NAALADL2: variants seen among roughly 807,000 people sequenced by gnomAD.
NAALADL2 encodes the protein inactive N-acetylated-alpha-linked acidic dipeptidase-like protein 2.
Under a neutral mutation model 87.2 loss-of-function variants are expected in NAALADL2, and 76 were observed. That is an observed-to-expected ratio of 0.87 (90% CI 0.72 to 1.05). The LOEUF is 1.05. Among genes scored for constraint, NAALADL2 ranks in the 50% least tolerant of loss-of-function variants. The pLI is 0.00. For missense variants in NAALADL2, 1,089 were observed against 945.8 expected, an observed-to-expected ratio of 1.15 and a Z score of -1.99; for synonymous variants, 354 against 331.0, an observed-to-expected ratio of 1.07 and a Z score of -0.75.
chr3:174,804,232 T>C (rs1426375009), intron 3 of NAALADL2, among the ~76,000 whole-genome samples: 1 of 152,202 alleles, frequency 6.6e-6, no homozygotes, highest in Non-Finnish European at 1.5e-5. Context: ...TTTGTAGTAA[T>C]TGTGAATGGG....
At chr3:175,173,999 G>A (rs62283046) in intron 2 of NAALADL2, among the ~76,000 whole-genome samples, 57,010 of 151,948 alleles carry the variant, frequency 0.38, 11,499 homozygotes, top group East Asian at 0.55. Context: ...CCAGTTGTAT[G>A]TAATTGTAAT....
At chr3:174,695,414 G>A (rs537932) in intron 2 of NAALADL2, among the ~76,000 whole-genome samples, 51,413 of 151,720 alleles carry the variant, frequency 0.34, 10,042 homozygotes, top group Non-Finnish European at 0.43. Flanking sequence ...ATAGACATAA[G>A]ATCATTTTTG....
intron 13 of NAALADL2, among the ~76,000 whole-genome samples, chr3:175,795,146 C>G (rs996185794): frequency 6.6e-6 from 1 of 152,188 alleles, no homozygotes; most frequent in Admixed American, 6.5e-5. Flanking sequence ...CCTAAGGCTT[C>G]AGTGTGTGCA....
intron 1 of NAALADL2, among the ~76,000 whole-genome samples, chr3:174,465,029 CT>C (rs1415945026): frequency 3.3e-5 from 5 of 151,932 alleles, no homozygotes; most frequent in Non-Finnish European, 5.9e-5. Flanking sequence ...AGGAACAATG[CT>C]TTAATGACTA....
At position 175,062,014 on chromosome 3, in the gene NAALADL2, A is replaced by C. The variant is rs73038482; in HGVS notation, c.44-34776A>C. Reference sequence around the variant, plus strand: ...AGCCCAGAAGTTTCTTGGTAAGTTTAAGAAAGAAAAGGGGGAAAGGAGTCT... The same window carrying C: ...AGCCCAGAAGTTTCTTGGTAAGTTTCAGAAAGAAAAGGGGGAAAGGAGTCT... On this transcript the variant is annotated intron_variant, in intron 1 of 13. Coordinates refer to ENST00000454872, the MANE Select transcript of NAALADL2 (RefSeq NM_207015.3). 6.1e-3 allele frequency among the ~76,000 whole-genome samples: 933 copies of C among 152,256 alleles called. 7 individuals carry two copies. The highest frequency in any genetic ancestry group is 0.021 in the African/African-American group (870 of 41,556).
At chr3:174,522,535 C>T (rs1443622229) in intron 1 of NAALADL2, among the ~76,000 whole-genome samples, 1 of 152,024 alleles carries the variant, frequency 6.6e-6, no homozygotes, top group Non-Finnish European at 1.5e-5. Flanking sequence ...TGGTGTGCAC[C>T]TGTAGTCCCA....
At chr3:175,133,674 A>G (rs1020773203) in intron 2 of NAALADL2, among the ~76,000 whole-genome samples, 21 of 152,190 alleles carry the variant, frequency 1.4e-4, no homozygotes, top group Non-Finnish European at 2.9e-4. Context: ...TGGCAGCAGT[A>G]CAGTCCAGCT....
intron 1 of NAALADL2, among the ~76,000 whole-genome samples, chr3:174,997,833 AAACAACAAC>A (rs60367540): frequency 2.9e-4 from 41 of 142,046 alleles, no homozygotes; most frequent in African/African-American, 5.2e-4. Context: ...ACCAAAAAGC[AAACAACAAC>A]AACAACAACA....
intron 3 of NAALADL2, among the ~76,000 whole-genome samples, chr3:174,778,943 G>A (rs972110595): frequency 3.3e-5 from 5 of 152,150 alleles, no homozygotes; most frequent in African/African-American, 4.8e-5. Flanking sequence ...AAACATATGT[G>A]TGCATGTGTC....
chr3:174,996,062 T>C (rs888072012), intron 1 of NAALADL2, among the ~76,000 whole-genome samples: 6 of 152,216 alleles, frequency 3.9e-5, no homozygotes, highest in African/African-American at 7.2e-5. Flanking sequence ...TAAGGTCTAC[T>C]GAATTTTAAG....
chr3:175,440,884 C>T (rs1719610210), intron 5 of NAALADL2, among the ~76,000 whole-genome samples: 1 of 152,066 alleles, frequency 6.6e-6, no homozygotes, highest in South Asian at 2.1e-4. Context: ...ATTTCTTTCT[C>T]TTGTCTGATT....
intron 5 of NAALADL2, among the ~76,000 whole-genome samples, chr3:175,437,270 A>G (rs1296413312): frequency 3.7e-4 from 54 of 146,674 alleles, no homozygotes; most frequent in African/African-American, 1.3e-3. Context: ...TACAAAATCA[A>G]TGTACAAAAA....
chr3:174,858,998 T>C (rs538756033), upstream of NAALADL2, among the ~76,000 whole-genome samples: 10 of 152,224 alleles, frequency 6.6e-5, no homozygotes, highest in East Asian at 1.9e-3. Flanking sequence ...ACTTTAAATT[T>C]GATTTCTGTA....
chr3:175,626,730 A>G (rs1184044208), intron 10 of NAALADL2, among the ~76,000 whole-genome samples: 1 of 151,806 alleles, frequency 6.6e-6, no homozygotes, highest in Non-Finnish European at 1.5e-5. Context: ...TCCATCTATA[A>G]CATCTTCATG....
intron 2 of NAALADL2, among the ~76,000 whole-genome samples, chr3:174,673,404 T>C (rs1371451987): frequency 2.6e-5 from 4 of 152,076 alleles, no homozygotes; most frequent in Non-Finnish European, 4.4e-5. Context: ...GCTATGGGCC[T>C]TGAAGTAATA....
At position 174,524,646 on chromosome 3, in the gene NAALADL2, G is replaced by T. The variant is rs147276572; in HGVS notation, c.-183-25923G>T. Among the ~76,000 whole-genome samples, 331 of 151,562 alleles carry T rather than the reference G, an allele frequency of 2.2e-3. 1 individual carries two copies. Among genetic ancestry groups the T allele is most frequent in the African/African-American group, 7.5e-3 (311 of 41,284 alleles). ...TGCAGCCTTGACCTCCTGGGCTTAA[G>T]CCATCCTCCCACCTCAGCCTCCTAC... On this transcript the variant is annotated intron_variant, in intron 1 of 3. Coordinates refer to the NAALADL2 transcript ENST00000434257.
intron 4 of NAALADL2, among the ~76,000 whole-genome samples, chr3:175,309,271 T>C (rs185303366): frequency 2.0e-3 from 301 of 152,200 alleles, no homozygotes; most frequent in African/African-American, 6.8e-3. Context: ...CTGTAACCTC[T>C]ACCTCCCGGG....
intron 1 of NAALADL2, among the ~76,000 whole-genome samples, chr3:174,870,629 C>T (rs765692679): frequency 1.2e-4 from 18 of 151,452 alleles, no homozygotes; most frequent in Admixed American, 5.3e-4. Flanking sequence ...GTAAATGCCA[C>T]GAAGGGACAG....
intron 11 of NAALADL2, among the ~76,000 whole-genome samples, chr3:175,712,668 A>T (rs1303556955): frequency 6.6e-6 from 1 of 152,136 alleles, no homozygotes; most frequent in Non-Finnish European, 1.5e-5. Context: ...GTATAGATGC[A>T]TCAGAAGGTT....
Sources: gnomAD v4.1 joint callset for allele counts (sites outside exome capture counted in the v4.1 genomes callset) on GRCh38, gnomAD v4.1.1 for gene constraint, MANE v1.5 for transcripts, NCBI Gene and HGNC (gene_info 2026-07-23, HGNC 2026-07-21) for gene names.